Variants in SLC26A8 observed in about 807,000 individuals in gnomAD.
The protein encoded by SLC26A8 is testis anion transporter 1.
Under a neutral mutation model 105.0 loss-of-function variants are expected in SLC26A8, and 70 were observed. The observed-to-expected ratio is 0.67, with a 90% CI of 0.55 to 0.81. SLC26A8 has a LOEUF of 0.81. Ranked by LOEUF, SLC26A8 falls within the 40% of genes least tolerant of loss-of-function variation. SLC26A8 has a pLI of 0.00. For synonymous variants in SLC26A8, 415 were observed against 438.3 expected (o/e 0.95, Z 0.66); for missense variants, 998 against 1,181.8 (o/e 0.84, Z 2.28).
chr6:35,969,020 G>A (rs1371506194), intron 10 of SLC26A8, 66 bp from the exon 11 acceptor site: 2 of 1,405,546 alleles, frequency 1.4e-6, no homozygotes, highest in East Asian at 4.8e-5. Context: ...TGCAACTGAG[G>A]CCTTCTGCTT....
At chr6:35,954,136 G>A (rs968596534) in intron 17 of SLC26A8, among the ~76,000 whole-genome samples, 2 of 152,142 alleles carry the variant, frequency 1.3e-5, no homozygotes, top group African/African-American at 4.8e-5. Context: ...ATTAAACAAT[G>A]ACATCAATAT....
chr6:36,019,269 TGAACAATG>T (rs1212086336), intron 2 of SLC26A8, among the ~76,000 whole-genome samples: 1 of 152,088 alleles, frequency 6.6e-6, no homozygotes, highest in Admixed American at 6.6e-5. Flanking sequence ...CATGGTTGAT[TGAACAATG>T]GAATTATGAA....
rs1031252714 is a variant in SLC26A8, at chr6:35,975,573, T to A, written c.1174-85A>T. 6.0e-5 allele frequency: 42 copies of A among 705,210 alleles called. 1 individual carries two copies. The highest frequency in any genetic ancestry group is 2.4e-4 in the Middle Eastern group (1 of 4,128). 43.7% of individuals were successfully genotyped at this position (705,210 alleles called of 1,614,324 possible). A position where few individuals can be genotyped will look rare whatever the true frequency, so the allele number is the denominator to read the frequency against. ...GTTGAAGGCATATGGTTTTTTTTTT[T>A]TATATGAAGATAGGGTTGTTTGCAT... On this transcript the variant is annotated intron_variant, in intron 9 of 19. Coordinates refer to ENST00000490799, the MANE Select transcript of SLC26A8 (RefSeq NM_052961.4).
chr6:36,024,332 C>G, intron 1 of SLC26A8, 172 bp downstream of exon 1: 1 of 408,146 alleles, frequency 2.5e-6, no homozygotes, highest in Non-Finnish European at 4.9e-6. Context: ...GACAATACCT[C>G]AGAGATAAGC....
At chr6:36,012,511 G>C in intron 2 of SLC26A8, 139 bp from the exon 3 acceptor site, 2 of 956,602 alleles carry the variant, frequency 2.1e-6, no homozygotes. Flanking sequence ...TATTGGACCA[G>C]ATAATTCTTT....
rs770405702 is a variant in SLC26A8 at position 35,992,531 on chromosome 6, G to A, written c.771C>T (p.Ala257=). 134 of 1,613,060 alleles carry A rather than the reference G, an allele frequency of 8.3e-5. No homozygotes were observed. In the South Asian group the frequency reaches 1.0e-3, roughly 12 times the overall value. The change falls in exon 6 of 20, where the codon GCC becomes GCT. Residue 257 remains alanine, a synonymous_variant. Coordinates refer to ENST00000490799, the MANE Select transcript of SLC26A8 (RefSeq NM_052961.4). ...FIFGIMISFH[A]GPISFFYDII... ...TCACATAGAAGAAGGAGATGGGACC[G>A]GCATGGAAACTAATCATAATCCCAA...
In SLC26A8 at chr6:35,997,885, G is replaced by A. The variant is rs373715763; in HGVS notation, c.480C>T (p.Asn160=). The A allele has an allele frequency of 8.1e-6, 13 of 1,614,058 alleles. No homozygotes were observed. The highest frequency in any genetic ancestry group is 4.0e-5 in the African/African-American group (3 of 74,922). Residue 160 remains asparagine (N), a synonymous_variant, in exon 5 of 20, where the codon AAC becomes AAT. Coordinates refer to ENST00000490799, the MANE Select transcript of SLC26A8 (RefSeq NM_052961.4). ...TGTTGAATGGGCTCACTTTCAGAACGTTGATCAGCAGAGCACTCACCAGGA... is the reference window on the plus strand; with the variant it reads ...TGTTGAATGGGCTCACTTTCAGAACATTGATCAGCAGAGCACTCACCAGGA... ...SFFLVSALLI[N]VLKVSPFNNG...
chr6:35,944,418 C>T, intron 19 of SLC26A8, 78 bp from the exon 20 acceptor site: 1 of 1,008,098 alleles, frequency 9.9e-7, no homozygotes, highest in Non-Finnish European at 1.5e-6. Context: ...TACCTGTAAT[C>T]CCAGCACTTT....
chr6:35,966,251 C>T (rs1323549857), intron 11 of SLC26A8, among the ~76,000 whole-genome samples: 1 of 152,184 alleles, frequency 6.6e-6, no homozygotes, highest in African/African-American at 2.4e-5. Context: ...TTCTTTCCCA[C>T]CATACCATCT....
chr6:36,021,947 G>C (rs1005750775), intron 1 of SLC26A8, among the ~76,000 whole-genome samples: 1 of 151,580 alleles, frequency 6.6e-6, no homozygotes, highest in South Asian at 2.1e-4. Flanking sequence ...GGGATTACAC[G>C]CGTGAGCCAC....
In SLC26A8 at chr6:35,957,175, T is replaced by A. The variant is rs150724597; in HGVS notation, c.1864-1655A>T. On this transcript the variant is annotated intron_variant, in intron 16 of 19. Transcript: ENST00000490799. ...AAGCAGAGTTTGTGGTGAGCCAAGGTCGCACCATCCCACTCCAGCCCCGGT... is the reference window on the plus strand; with the variant it reads ...AAGCAGAGTTTGTGGTGAGCCAAGGACGCACCATCCCACTCCAGCCCCGGT... Among the ~76,000 whole-genome samples, 742 of 152,102 alleles carry A rather than the reference T, an allele frequency of 4.9e-3. 10 individuals are homozygous for A. The highest frequency in any genetic ancestry group is 0.016 in the African/African-American group (670 of 41,508).
intron 16 of SLC26A8, 28 bp from the exon 17 acceptor site, chr6:35,955,548 G>A (rs1202754637): frequency 1.9e-6 from 3 of 1,605,048 alleles, no homozygotes; most frequent in South Asian, 1.1e-5. Flanking sequence ...AGGGAGGGCT[G>A]TGGTAAGACA....
At chr6:35,992,706 A>G (rs756971230) in intron 5 of SLC26A8, 32 bp from the exon 6 acceptor site, 1 of 1,567,906 alleles carries the variant, frequency 6.4e-7, no homozygotes, top group Non-Finnish European at 8.6e-7. Flanking sequence ...AGTGGGGTAG[A>G]ATGTCTTCAA....
chr6:35,947,756 C>T (rs1771725364), intron 19 of SLC26A8, among the ~76,000 whole-genome samples: 1 of 152,008 alleles, frequency 6.6e-6, no homozygotes, highest in Admixed American at 6.6e-5. Flanking sequence ...CATGGCAAAA[C>T]CCCGTCTCTG....
chr6:35,959,931 C>G, intron 14 of SLC26A8, 125 bp from the exon 15 acceptor site: 1 of 770,854 alleles, frequency 1.3e-6, no homozygotes, highest in Non-Finnish European at 2.0e-6. Flanking sequence ...TTTTTTGAGA[C>G]AGAGTCTCAC....
intron 11 of SLC26A8, among the ~76,000 whole-genome samples, chr6:35,964,528 T>C (rs1235598701): frequency 6.6e-6 from 1 of 151,936 alleles, no homozygotes; most frequent in Non-Finnish European, 1.5e-5. Flanking sequence ...ATGCCTGTAA[T>C]CTCAGCCACT....
At chr6:35,993,756 TG>T (rs1761259643) in intron 5 of SLC26A8, among the ~76,000 whole-genome samples, 1 of 152,144 alleles carries the variant, frequency 6.6e-6, no homozygotes, top group Non-Finnish European at 1.5e-5. Flanking sequence ...TTGGGTGTGG[TG>T]GCTCATGCCT....
rs552054036 is a variant in SLC26A8, at chr6:36,015,981, C to T, written c.188+3539G>A. On this transcript the variant is annotated intron_variant, in intron 2 of 19. Coordinates refer to ENST00000490799, the MANE Select transcript of SLC26A8 (RefSeq NM_052961.4). ...AAGATTACTATAATGATGTAGGTCACAAAGGATTCTTTGTTTTTTTTTTTT... is the reference window on the plus strand; with the variant it reads ...AAGATTACTATAATGATGTAGGTCATAAAGGATTCTTTGTTTTTTTTTTTT... Among the ~76,000 whole-genome samples the T allele has an allele frequency of 5.3e-5, 8 of 151,610 alleles. No homozygotes were observed. The South Asian group carries it at 1.0e-3, about 20-fold the overall frequency.
intron 3 of SLC26A8, 35 bp downstream of exon 3, chr6:36,012,198 T>C (rs778912516): frequency 2.9e-5 from 46 of 1,602,832 alleles, no homozygotes; most frequent in Non-Finnish European, 4.2e-6. Flanking sequence ...TCTGATACAT[T>C]GTCTTTGGAT....
Sources: allele counts gnomAD v4.1 joint callset (sites outside exome capture counted in the v4.1 genomes callset), GRCh38; gene constraint gnomAD v4.1.1; transcripts MANE v1.5; gene names NCBI Gene and HGNC (gene_info 2026-07-23, HGNC 2026-07-21).